COG5: variants seen among roughly 807,000 people sequenced by gnomAD.
COG5 encodes component of oligomeric golgi complex 5.
COG5 carries 86 observed loss-of-function variants against 110.4 expected under a neutral mutation model. The observed-to-expected ratio is 0.78, with a 90% confidence interval of 0.65 to 0.93. COG5 has a LOEUF of 0.93. Among genes scored for constraint, COG5 ranks in the 40% least tolerant of loss-of-function variants. The pLI is 0.00. For synonymous variants in COG5, 360 were observed against 334.6 expected (o/e 1.08, Z -0.83); for missense variants, 1,077 against 987.0 (o/e 1.09, Z -1.22).
chr7:107,520,286 T>C (rs1800233035), intron 6 of COG5, among the ~76,000 whole-genome samples: 1 of 152,126 alleles, frequency 6.6e-6, no homozygotes, highest in Admixed American at 6.5e-5. Flanking sequence ...GCATTGGAAG[T>C]TCTGGCCAGG....
chr7:107,492,529 TG>T (rs1216314975), intron 6 of COG5, among the ~76,000 whole-genome samples: 14 of 152,258 alleles, frequency 9.2e-5, no homozygotes, highest in Non-Finnish European at 2.9e-5. Flanking sequence ...GCTGGCAGAA[TG>T]GAAGTCCTTA....
intron 11 of COG5, among the ~76,000 whole-genome samples, chr7:107,304,865 A>G (rs1435348917): frequency 6.6e-6 from 1 of 152,220 alleles, no homozygotes; most frequent in Non-Finnish European, 1.5e-5. Flanking sequence ...CATCCATTCA[A>G]CAAATATCTG....
intron 7 of COG5, among the ~76,000 whole-genome samples, chr7:107,401,364 T>A (rs895997774): frequency 6.6e-6 from 1 of 152,182 alleles, no homozygotes; most frequent in East Asian, 1.9e-4. Context: ...TTAATAATGA[T>A]ATACAATGTT....
chr7:107,482,733 C>A (rs1037379200), intron 6 of COG5, among the ~76,000 whole-genome samples: 1 of 152,034 alleles, frequency 6.6e-6, no homozygotes, highest in Non-Finnish European at 1.5e-5. Flanking sequence ...GTTATCTAGA[C>A]AAAAGTTTCC....
chr7:107,357,904 A>G (rs1200320793), intron 10 of COG5, among the ~76,000 whole-genome samples: 5 of 152,328 alleles, frequency 3.3e-5, no homozygotes, highest in Non-Finnish European at 4.4e-5. Context: ...CATGGCATCA[A>G]AAGATTCTCT....
rs775867127 is a variant in COG5 at position 107,372,648 on chromosome 7, T to G, written c.782A>C (p.Asn261Thr). The change falls in exon 8 of 22, where the codon AAC becomes ACC. Residue 261 changes from asparagine (N) to threonine (T), a missense_variant. Asn to Thr is a moderately conservative substitution (Grantham distance 65). Transcript: ENST00000297135. Reference sequence around the variant, plus strand: ...CAAAACTTTTATGTCTAATGCACTGTTGATATTTTCTTCTAAAGTAGCACA... The same window carrying G: ...CAAAACTTTTATGTCTAATGCACTGGTGATATTTTCTTCTAAAGTAGCACA... ...GYCATLEENI[N>T]SALDIKVLTQ... is the part of the protein sequence containing the mutation. 6.2e-7 allele frequency: 1 copy of G among 1,613,786 alleles called. No individual in the cohort carries two copies. Among genetic ancestry groups the G allele is most frequent in the Non-Finnish European group, 8.5e-7 (1 of 1,179,832 alleles).
At chr7:107,260,706 G>A (rs577184981) in intron 14 of COG5, among the ~76,000 whole-genome samples, 8 of 152,198 alleles carry the variant, frequency 5.3e-5, no homozygotes, top group African/African-American at 1.9e-4. Context: ...AAAAATTATA[G>A]TTTTGGGTAC....
chr7:107,300,766 T>C (rs1158616194), intron 11 of COG5, among the ~76,000 whole-genome samples: 1 of 152,142 alleles, frequency 6.6e-6, no homozygotes, highest in Non-Finnish European at 1.5e-5. Context: ...TGTAATCTAA[T>C]TTAAAATCAA....
At chr7:107,505,924 A>G (rs963834663) in intron 6 of COG5, among the ~76,000 whole-genome samples, 3 of 152,160 alleles carry the variant, frequency 2.0e-5, no homozygotes, top group African/African-American at 7.2e-5. Context: ...ATCCAGAGAT[A>G]TGGCCTGTCC....
intron 10 of COG5, among the ~76,000 whole-genome samples, chr7:107,329,614 A>T (rs960109921): frequency 1.3e-5 from 2 of 152,162 alleles, no homozygotes; most frequent in African/African-American, 4.8e-5. Flanking sequence ...TGTTATTGCC[A>T]TGTGCAGTGG....
chr7:107,449,227 C>A (rs946469879), intron 6 of COG5, among the ~76,000 whole-genome samples: 1 of 152,044 alleles, frequency 6.6e-6, no homozygotes, highest in Non-Finnish European at 1.5e-5. Flanking sequence ...CTAATGCATA[C>A]GGGACTTAAA....
chr7:107,359,002 C>T (rs186832633), intron 10 of COG5, among the ~76,000 whole-genome samples: 16 of 152,270 alleles, frequency 1.1e-4, no homozygotes, highest in African/African-American at 2.9e-4. Flanking sequence ...ATGGCAGGGG[C>T]GACCTCTCTG....
intron 18 of COG5, among the ~76,000 whole-genome samples, chr7:107,234,381 G>A (rs1801004385): frequency 6.6e-6 from 1 of 152,184 alleles, no homozygotes; most frequent in South Asian, 2.1e-4. Flanking sequence ...AAAAAAGGAT[G>A]CCAAATAACA....
chr7:107,533,409 C>A (rs569320060), intron 5 of COG5, among the ~76,000 whole-genome samples: 4 of 151,444 alleles, frequency 2.6e-5, no homozygotes, highest in African/African-American at 7.3e-5. Flanking sequence ...TGCAAGGAAG[C>A]TAAGAGCTTT....
chr7:107,510,291 G>C (rs1403049523), intron 6 of COG5, among the ~76,000 whole-genome samples: 1 of 152,058 alleles, frequency 6.6e-6, no homozygotes, highest in East Asian at 1.9e-4. Flanking sequence ...AAGATCAAAA[G>C]AGACAAAGAA....
intron 11 of COG5, among the ~76,000 whole-genome samples, chr7:107,321,425 A>G (rs1809261183): frequency 6.6e-6 from 1 of 152,160 alleles, no homozygotes; most frequent in African/African-American, 2.4e-5. Flanking sequence ...TCAAAATCCC[A>G]GGAGTCAATT....
intron 10 of COG5, among the ~76,000 whole-genome samples, chr7:107,345,920 C>A (rs940406882): frequency 1.3e-5 from 2 of 152,136 alleles, no homozygotes; most frequent in Non-Finnish European, 2.9e-5. Context: ...TCTGGTATTA[C>A]TTTGCTTTGT....
chr7:107,557,406 C>A (rs1308167887), intron 2 of COG5, among the ~76,000 whole-genome samples: 1 of 152,162 alleles, frequency 6.6e-6, no homozygotes. Flanking sequence ...CTACTACAGT[C>A]TCCTCTTCCT....
At chr7:107,244,563 T>C (rs1034678286) in intron 17 of COG5, among the ~76,000 whole-genome samples, 1 of 151,150 alleles carries the variant, frequency 6.6e-6, no homozygotes, top group Non-Finnish European at 1.5e-5. Flanking sequence ...ATTAATAAAA[T>C]AGGCCATTAG....
Sources: gnomAD v4.1 joint callset for allele counts (sites outside exome capture counted in the v4.1 genomes callset) on GRCh38, gnomAD v4.1.1 for gene constraint, MANE v1.5 for transcripts, NCBI Gene and HGNC (gene_info 2026-07-23, HGNC 2026-07-21) for gene names.